Variants in PCNX1 observed in about 807,000 individuals in gnomAD.
PCNX1 encodes pecanex 1.
Under a neutral mutation model 242.2 loss-of-function variants are expected in PCNX1, and 78 were observed. The observed-to-expected ratio is 0.32, with a 90% CI of 0.27 to 0.39. The LOEUF (loss-of-function observed/expected upper bound fraction) is 0.39, where lower values mean the gene tolerates loss of function less well. PCNX1 is among the 10% of genes least tolerant of loss of function. The pLI is 1.00. For missense variants in PCNX1, 2,581 were observed against 2,856.5 expected (o/e 0.90, Z 2.20); for synonymous variants, 1,024 against 1,032.9 (o/e 0.99, Z 0.17).
chr14:70,913,066 A>G (rs1050733408), intron 1 of PCNX1, among the ~76,000 whole-genome samples: 1 of 151,774 alleles, frequency 6.6e-6, no homozygotes, highest in Non-Finnish European at 1.5e-5. Context: ...ACAAACATAT[A>G]TTTTTTGTTT....
chr14:70,922,055 G>A (rs1334948194), intron 1 of PCNX1, among the ~76,000 whole-genome samples: 1 of 152,076 alleles, frequency 6.6e-6, no homozygotes, highest in Non-Finnish European at 1.5e-5. Context: ...TCCTACTTAG[G>A]TTTTAGTTTA....
chr14:70,957,198 A>C (rs2058028618), intron 2 of PCNX1, among the ~76,000 whole-genome samples: 2 of 152,104 alleles, frequency 1.3e-5, no homozygotes, highest in Admixed American at 6.6e-5. Context: ...CATGTTGCCC[A>C]GTCTGGTCTC....
chr14:70,981,613 T>TA (rs1477338231), intron 6 of PCNX1, among the ~76,000 whole-genome samples: 3 of 152,326 alleles, frequency 2.0e-5, no homozygotes, highest in African/African-American at 7.2e-5. Context: ...AAATATGTTT[T>TA]AAGTTCAAAC....
chr14:70,972,831 C>T (rs948392957), intron 5 of PCNX1, among the ~76,000 whole-genome samples: 1 of 152,118 alleles, frequency 6.6e-6, no homozygotes, highest in East Asian at 1.9e-4. Flanking sequence ...AACTTCAGAC[C>T]GTCCCCATGG....
rs1348495718 is a variant in PCNX1 at position 71,111,983 on chromosome 14, T to C, written c.*2048T>C. 1.3e-5 allele frequency: 2 copies of C among 152,540 alleles called. No homozygotes were observed. The highest frequency in any genetic ancestry group is 2.9e-5 in the Non-Finnish European group (2 of 67,942). The allele number at this position is 152,540 out of a possible 1,614,324, so 9.4% of individuals were successfully genotyped here. A position where few individuals can be genotyped will look rare whatever the true frequency, so the allele number is the denominator to read the frequency against. ...AGTGTTGTTTTTGGTTTTGGAGGGT[T>C]TTTTTCTGAAACTGAATTTATAATC... On this transcript the variant is annotated 3_prime_UTR_variant, in exon 36 of 36. Transcript: ENST00000304743.
chr14:70,994,396 G>GATATATATATATGTGTATATATATAT (rs2059267360), intron 7 of PCNX1, among the ~76,000 whole-genome samples: 1 of 96,972 alleles, frequency 1.0e-5, no homozygotes, highest in African/African-American at 3.8e-5. Flanking sequence ...ACAGGCTTAA[G>GATATATATATATGTGTATATATATAT]ATATATATAT....
At chr14:71,067,462 C>G (rs2061476855) in intron 26 of PCNX1, among the ~76,000 whole-genome samples, 1 of 151,948 alleles carries the variant, frequency 6.6e-6, no homozygotes. Context: ...GTGGTGATAT[C>G]TCCTTTATCA....
Position 70,977,913 on chromosome 14 carries a change from G to A in PCNX1, c.1576G>A (p.Asp526Asn). 6.2e-7 allele frequency: 1 copy of A among 1,614,178 alleles called. No individual in the cohort carries two copies. Among genetic ancestry groups the A allele is most frequent in the Non-Finnish European group, 8.5e-7 (1 of 1,180,046 alleles). Residue 526 changes from aspartate to asparagine, a missense_variant, in exon 6 of 36, where the codon GAT becomes AAT. Physicochemically the swap from Asp to Asn is conservative, Grantham distance 23. This residue lies in a region of PCNX1 where 1,204 missense variants were observed against 1,216.7 expected (regional missense o/e 0.99). Coordinates refer to ENST00000304743, the MANE Select transcript of PCNX1 (RefSeq NM_014982.3). ...EKSDKSAVSV[D>N]SKVRKDVGGK... is the part of the protein sequence containing the mutation. ...GAGTGATAAGTCAGCTGTTTCTGTG[G>A]ATTCCAAAGTGCGTAAAGATGTTGG...
intron 4 of PCNX1, 42 bp from the exon 5 acceptor site, chr14:70,968,979 C>G: frequency 9.0e-7 from 1 of 1,108,418 alleles, no homozygotes; most frequent in Non-Finnish European, 1.4e-6. Context: ...TACAGCCTTA[C>G]TGTTAATATA....
At chr14:71,058,339 A>G (rs1196468177) in intron 26 of PCNX1, among the ~76,000 whole-genome samples, 1 of 152,212 alleles carries the variant, frequency 6.6e-6, no homozygotes, top group East Asian at 1.9e-4. Context: ...AGCCCTCTAC[A>G]ATTTTATATA....
intron 1 of PCNX1, among the ~76,000 whole-genome samples, chr14:70,932,598 T>A (rs1291709487): frequency 2.6e-5 from 4 of 151,472 alleles, no homozygotes; most frequent in Admixed American, 2.0e-4. Flanking sequence ...TATCTAATTT[T>A]ATTTATTTAT....
chr14:70,909,025 C>G (rs1319627248), intron 1 of PCNX1, among the ~76,000 whole-genome samples: 4 of 152,120 alleles, frequency 2.6e-5, no homozygotes, highest in African/African-American at 9.7e-5. Flanking sequence ...AGGAGAATTC[C>G]TTTGAATGTA....
intron 8 of PCNX1, among the ~76,000 whole-genome samples, chr14:71,002,241 C>T (rs184238307): frequency 3.3e-5 from 5 of 152,250 alleles, no homozygotes; most frequent in East Asian, 3.9e-4. Context: ...TGAAACAGAA[C>T]GGCAAATACC....
At chr14:71,042,767 T>C (rs2060747742) in intron 19 of PCNX1, among the ~76,000 whole-genome samples, 1 of 152,188 alleles carries the variant, frequency 6.6e-6, no homozygotes, top group South Asian at 2.1e-4. Flanking sequence ...ATTTTGTTCA[T>C]TGTTTTCTGA....
chr14:71,081,235 G>A (rs573485769), intron 28 of PCNX1, among the ~76,000 whole-genome samples: 17 of 152,276 alleles, frequency 1.1e-4, no homozygotes, highest in Admixed American at 3.9e-4. Context: ...GATTATGGTG[G>A]ATAAGCTTTT....
rs2062729828 is a variant in PCNX1, at chr14:71,110,231, T to TTAAA, written c.*296_*297insTAAA. On this transcript the variant is annotated 3_prime_UTR_variant, in exon 36 of 36. Coordinates refer to ENST00000304743, the MANE Select transcript of PCNX1 (RefSeq NM_014982.3). ...CTTAAAAAAAGTTTTTCCTATGCAT[T>TTAAA]GCCTATGCTTTAAATCAACAAACTC... The TTAAA allele has an allele frequency of 1.3e-5, 5 of 392,366 alleles. No individual in the cohort carries two copies. Among genetic ancestry groups the TTAAA allele is most frequent in the Non-Finnish European group, 1.9e-5 (4 of 208,268 alleles). The allele number at this position is 392,366 out of a possible 1,614,324, so 24.3% of individuals were successfully genotyped here. A position where few individuals can be genotyped will look rare whatever the true frequency, so the allele number is the denominator to read the frequency against.
At chr14:71,059,487 G>A (rs920933557) in intron 26 of PCNX1, among the ~76,000 whole-genome samples, 1 of 151,934 alleles carries the variant, frequency 6.6e-6, no homozygotes, top group Non-Finnish European at 1.5e-5. Flanking sequence ...GGGCTCAAGG[G>A]ATCCTCTTGC....
intron 11 of PCNX1, among the ~76,000 whole-genome samples, chr14:71,016,561 G>T (rs1438018839): frequency 6.6e-6 from 1 of 152,032 alleles, no homozygotes; most frequent in African/African-American, 2.4e-5. Context: ...TGAATTAAAT[G>T]GTAAATTAAT....
chr14:71,036,297 C>A, intron 19 of PCNX1, 140 bp downstream of exon 19: 1 of 608,792 alleles, frequency 1.6e-6, no homozygotes, highest in Non-Finnish European at 2.9e-6. Context: ...TCCCACGTAG[C>A]TAGGACTACA....
Sources: gnomAD v4.1 joint callset for allele counts (sites outside exome capture counted in the v4.1 genomes callset) on GRCh38, gnomAD v4.1.1 for gene constraint, gnomAD v4.1.1 regional missense constraint, MANE v1.5 for transcripts, NCBI Gene and HGNC (gene_info 2026-07-23, HGNC 2026-07-21) for gene names.